LOC128462377: variants seen among roughly 807,000 people sequenced by gnomAD.
At chr16:89,335,866 G>C in the LOC128462377 span, among the ~76,000 whole-genome samples, 1 of 152,184 alleles carries the variant, frequency 6.6e-6, no homozygotes, top group Non-Finnish European at 1.5e-5. Flanking sequence ...AAAGGGCTAG[G>C]AGAAACGCAG....
At chr16:89,384,392 G>C in the LOC128462377 span, among the ~76,000 whole-genome samples, 1 of 152,106 alleles carries the variant, frequency 6.6e-6, no homozygotes, top group Non-Finnish European at 1.5e-5. Context: ...TTAGCTAGGC[G>C]TAGTGGTGCA....
the LOC128462377 span, chr16:89,372,905 G>A: frequency 6.6e-6 from 1 of 152,236 alleles, no homozygotes. Flanking sequence ...GAAGCTCCCG[G>A]GTGACCCAGT....
chr16:89,402,595 T>C, the LOC128462377 span, among the ~76,000 whole-genome samples: 6 of 149,558 alleles, frequency 4.0e-5, no homozygotes, highest in Admixed American at 2.0e-4. Context: ...GGTGGGAGGA[T>C]TGGTTGAGCC....
At chr16:89,363,886 T>C in the LOC128462377 span, among the ~76,000 whole-genome samples, 1 of 151,280 alleles carries the variant, frequency 6.6e-6, no homozygotes, top group Non-Finnish European at 1.5e-5. Context: ...CAAAACCCTG[T>C]CTCTACAAAA....
At chr16:89,398,634 C>T in the LOC128462377 span, among the ~76,000 whole-genome samples, 1 of 152,032 alleles carries the variant, frequency 6.6e-6, no homozygotes, top group Non-Finnish European at 1.5e-5. Flanking sequence ...TTCAGATACT[C>T]AGGGGGCTGA....
At chr16:89,348,543 T>C in the LOC128462377 span, among the ~76,000 whole-genome samples, 4 of 152,212 alleles carry the variant, frequency 2.6e-5, no homozygotes, top group Admixed American at 6.5e-5. Context: ...TTTAAATGTA[T>C]AGTACAAATG....
the LOC128462377 span, among the ~76,000 whole-genome samples, chr16:89,387,262 C>T: frequency 1.1e-3 from 173 of 151,116 alleles, no homozygotes; most frequent in Admixed American, 8.4e-3. Flanking sequence ...AAGGGAGAGG[C>T]CTGAATGGTG....
chr16:89,368,981 A>AG, the LOC128462377 span, among the ~76,000 whole-genome samples: 1 of 152,146 alleles, frequency 6.6e-6, no homozygotes, highest in Non-Finnish European at 1.5e-5. Flanking sequence ...GGAGGGAACA[A>AG]GGGTTGCATA....
chr16:89,374,321 T>C, the LOC128462377 span, among the ~76,000 whole-genome samples: 3 of 151,574 alleles, frequency 2.0e-5, no homozygotes, highest in Admixed American at 6.6e-5. Flanking sequence ...GAGTTATGGC[T>C]CACCATGTGT....
At chr16:89,372,615 G>A in the LOC128462377 span, among the ~76,000 whole-genome samples, 2 of 152,222 alleles carry the variant, frequency 1.3e-5, no homozygotes, top group Middle Eastern at 3.4e-3. Flanking sequence ...TTAAAATACT[G>A]AAATTAAAAA....
chr16:89,338,517 T>C, the LOC128462377 span, among the ~76,000 whole-genome samples: 1 of 149,100 alleles, frequency 6.7e-6, no homozygotes, highest in African/African-American at 2.5e-5. Context: ...TCACCTGAGG[T>C]CAGGAGTTCA....
chr16:89,412,912 A>T, the LOC128462377 span, among the ~76,000 whole-genome samples: 2 of 152,170 alleles, frequency 1.3e-5, no homozygotes, highest in Non-Finnish European at 2.9e-5. Context: ...CAGAGGTCAC[A>T]GGTCAGCAGA....
chr16:89,336,852 G>A, the LOC128462377 span, among the ~76,000 whole-genome samples: 7 of 151,966 alleles, frequency 4.6e-5, no homozygotes, highest in South Asian at 2.1e-4. Context: ...CAGGCCGGGC[G>A]CGGTGGCTCA....
the LOC128462377 span, among the ~76,000 whole-genome samples, chr16:89,332,503 A>G: frequency 6.6e-6 from 1 of 152,242 alleles, no homozygotes; most frequent in Non-Finnish European, 1.5e-5. Flanking sequence ...AAATGCAAGA[A>G]AACAGCCTCG....
the LOC128462377 span, chr16:89,373,216 T>C: frequency 6.6e-6 from 1 of 152,242 alleles, no homozygotes; most frequent in South Asian, 2.1e-4. Context: ...TACCCAAGAT[T>C]GTGAAGCAAT....
the LOC128462377 span, among the ~76,000 whole-genome samples, chr16:89,352,448 C>CTGA: frequency 1.3e-5 from 2 of 151,756 alleles, no homozygotes; most frequent in Admixed American, 6.6e-5. Flanking sequence ...AGGGCACTTG[C>CTGA]TGATGCTGGG....
At chr16:89,359,617 C>T in the LOC128462377 span, among the ~76,000 whole-genome samples, 2 of 152,210 alleles carry the variant, frequency 1.3e-5, no homozygotes, top group Non-Finnish European at 2.9e-5. Flanking sequence ...TGGCACAGAG[C>T]TGCTCATTTC....
the LOC128462377 span, among the ~76,000 whole-genome samples, chr16:89,354,823 G>A: frequency 5.9e-5 from 9 of 151,842 alleles, no homozygotes; most frequent in African/African-American, 2.2e-4. Context: ...GGAGGCGGAG[G>A]TTGCAGTGAG....
the LOC128462377 span, among the ~76,000 whole-genome samples, chr16:89,367,453 G>A: frequency 6.6e-6 from 1 of 152,178 alleles, no homozygotes; most frequent in African/African-American, 2.4e-5. Flanking sequence ...ACGACCGGGA[G>A]TCTCAGGGGA....
Sources: gnomAD v4.1 joint callset for allele counts (sites outside exome capture counted in the v4.1 genomes callset) on GRCh38, gnomAD v4.1.1 for gene constraint, MANE v1.5 for transcripts.